Variants in CCDC13 observed in about 807,000 individuals in gnomAD.
CCDC13 encodes the protein coiled-coil domain-containing protein 13.
In CCDC13, 70 loss-of-function variants were observed where a neutral mutation model predicts 87.3. That is an observed-to-expected ratio of 0.80 (90% CI 0.66 to 0.98). The LOEUF is 0.98. CCDC13 is among the 50% of genes least tolerant of loss of function. CCDC13 has a pLI of 0.00. For synonymous variants in CCDC13, 317 were observed against 360.3 expected, an observed-to-expected ratio of 0.88 and a Z score of 1.36; for missense variants, 842 against 892.0, an observed-to-expected ratio of 0.94 and a Z score of 0.71.
Position 42,708,488 on chromosome 3 carries a change from AAGTC to A in CCDC13, c.*488_*491del, listed in dbSNP as rs1698226979. 1 of 152,808 alleles carries A rather than the reference AAGTC, an allele frequency of 6.5e-6. No homozygotes were observed. The highest frequency in any genetic ancestry group is 1.5e-5 in the Non-Finnish European group (1 of 68,618). The allele number at this position is 152,808 out of a possible 1,614,324, so 9.5% of individuals were successfully genotyped here. On this transcript the variant is annotated 3_prime_UTR_variant, in exon 16 of 16. Transcript: ENST00000310232. ...AAACTGGTTGAGAGCATAGTGCCCC[AAGTC>A]TGTGTAGGGTGTGGACGGCTACAGA... is the stretch of plus-strand genomic sequence containing the variant.
chr3:42,720,769 G>C (rs1203871213), intron 13 of CCDC13, among the ~76,000 whole-genome samples: 2 of 152,160 alleles, frequency 1.3e-5, no homozygotes, highest in Admixed American at 6.5e-5. Flanking sequence ...ACTGACTAAA[G>C]TTAAAGGGGT....
chr3:42,751,157 G>A (rs1490279030), intron 5 of CCDC13, among the ~76,000 whole-genome samples: 2 of 152,180 alleles, frequency 1.3e-5, no homozygotes, highest in Non-Finnish European at 2.9e-5. Context: ...AGGGAAGATG[G>A]GGCTAGAAAA....
intron 1 of CCDC13, among the ~76,000 whole-genome samples, chr3:42,760,729 T>C (rs1036651875): frequency 2.6e-5 from 4 of 152,012 alleles, no homozygotes; most frequent in African/African-American, 9.7e-5. Flanking sequence ...CATTCCAACC[T>C]GGGTGACAGA....
chr3:42,736,016 C>A, intron 9 of CCDC13, 103 bp from the exon 10 acceptor site: 1 of 1,089,176 alleles, frequency 9.2e-7, no homozygotes, highest in Non-Finnish European at 1.3e-6. Context: ...GCTGCAGGAA[C>A]CTAACAGTGG....
rs897189323 is a variant in CCDC13, at chr3:42,743,015, A to T, written c.868T>A (p.Ser290Thr). 3.7e-6 allele frequency: 6 copies of T among 1,614,104 alleles called. No individual in the cohort carries two copies. Among genetic ancestry groups the T allele is most frequent in the Non-Finnish European group, 5.1e-6 (6 of 1,180,010 alleles). Residue 290 changes from serine (S) to threonine (T), a missense_variant, in exon 8 of 16, where the codon TCT (serine) becomes ACT (threonine). Transcript: ENST00000310232. The part of the protein sequence containing the change: ...EKQLGQARSQ[S>T]AGTASDELSV... ...AACTCATCACTGGCTGTTCCCGCAG[A>T]CTGGCTCCGGGCCTGGCCCAATTGC...
chr3:42,766,118 G>C (rs192281571), intron 1 of CCDC13, among the ~76,000 whole-genome samples: 1 of 152,272 alleles, frequency 6.6e-6, no homozygotes, highest in East Asian at 1.9e-4. Context: ...AGAAGGAGAG[G>C]GGAGAAACCT....
intron 12 of CCDC13, 162 bp downstream of exon 12, chr3:42,732,725 T>C: frequency 1.6e-6 from 1 of 632,566 alleles, no homozygotes; most frequent in Non-Finnish European, 2.8e-6. Context: ...TCTATCATCT[T>C]GGACAGGACT....
chr3:42,745,977 A>G lies in CCDC13; in HGVS notation c.771T>C (p.Ser257=), dbSNP rs2240859. 764,404 of 1,613,368 alleles carry G rather than the reference A, an allele frequency of 0.47. 182,500 individuals carry two copies. The highest frequency in any genetic ancestry group is 0.59 in the South Asian group (53,714 of 91,070). ...GEDINVQQLL[S]SPGTWRGRAQ... The stretch of plus-strand genomic sequence containing the variant: ...CCCGACCCCTCCAGGTCCCTGGCGA[A>G]GATAGGAGCTGCTGAACGTTGATGT... The change falls in exon 7 of 16, where the codon TCT becomes TCC. Residue 257 remains serine, a synonymous_variant. Transcript: ENST00000310232.
At chr3:42,722,676 G>A (rs1698592027) in intron 13 of CCDC13, among the ~76,000 whole-genome samples, 1 of 151,998 alleles carries the variant, frequency 6.6e-6, no homozygotes. Flanking sequence ...GAAAGGGGAG[G>A]CATGAATAAT....
chr3:42,718,298 G>A (rs6779396), intron 13 of CCDC13, among the ~76,000 whole-genome samples: 30,619 of 151,990 alleles, frequency 0.2, 3,206 homozygotes, highest in East Asian at 0.29. Context: ...TCCCACCAGC[G>A]CCATGACAGT....
intron 13 of CCDC13, among the ~76,000 whole-genome samples, chr3:42,721,827 G>A (rs1228384162): frequency 1.3e-5 from 2 of 152,130 alleles, no homozygotes; most frequent in Non-Finnish European, 2.9e-5. Context: ...AAAACCCCTT[G>A]GGCAACTGAC....
At chr3:42,721,813 A>G (rs1050705092) in intron 13 of CCDC13, among the ~76,000 whole-genome samples, 5 of 152,256 alleles carry the variant, frequency 3.3e-5, no homozygotes, top group African/African-American at 4.8e-5. Context: ...TTGTAGAGCC[A>G]ATAAAAACCC....
chr3:42,742,847 T>C, intron 8 of CCDC13, 49 bp downstream of exon 8: 5 of 1,605,568 alleles, frequency 3.1e-6, no homozygotes, highest in Non-Finnish European at 3.4e-6. Flanking sequence ...GGCACCATCA[T>C]GATCTCTCGT....
intron 1 of CCDC13, among the ~76,000 whole-genome samples, chr3:42,762,836 C>T (rs1403991678): frequency 6.6e-6 from 1 of 152,188 alleles, no homozygotes; most frequent in Non-Finnish European, 1.5e-5. Context: ...GTAATCCCAG[C>T]ACTTTGGAAG....
At chr3:42,704,125 A>T (rs1698109410), downstream of CCDC13, 1 of 152,194 alleles carries the variant, frequency 6.6e-6, no homozygotes, top group African/African-American at 2.4e-5. Flanking sequence ...ATGTACATGG[A>T]TTAACTTTTT....
At chr3:42,733,392 CA>C (rs1340534963) in intron 11 of CCDC13, 77 bp downstream of exon 11, 1 of 1,563,260 alleles carries the variant, frequency 6.4e-7, no homozygotes, top group East Asian at 2.2e-5. Flanking sequence ...GGCTTCCCAT[CA>C]GAGGTAGCAA....
intron 8 of CCDC13, among the ~76,000 whole-genome samples, chr3:42,742,412 G>A (rs566795460): frequency 6.6e-6 from 1 of 152,248 alleles, no homozygotes; most frequent in African/African-American, 2.4e-5. Context: ...GGCCACCTCT[G>A]GATTGTTCGT....
chr3:42,712,313 G>A (rs1698329838), intron 14 of CCDC13, among the ~76,000 whole-genome samples: 1 of 151,920 alleles, frequency 6.6e-6, no homozygotes, highest in South Asian at 2.1e-4. Context: ...ACAGAGGCAG[G>A]CCCAGCCCCT....
chr3:42,752,579 C>T lies in CCDC13; in HGVS notation c.509G>A (p.Arg170Gln), dbSNP rs201307971. ...AGAATGACCAAGGCCCCTCACTTCC[C>T]GCTCCAGCTCCTGGATGCGATTGGT... Reference protein sequence around the residue: ...QLTNRIQELERELQTALTRLS... With the variant: ...QLTNRIQELEQELQTALTRLS... The change falls in exon 4 of 16, where the codon CGG becomes CAG. Residue 170 changes from arginine (R) to glutamine (Q), a missense_variant. By Grantham distance (43) the Arg-to-Gln change is conservative. Transcript: ENST00000310232. 48 of 1,614,078 alleles carry T rather than the reference C, an allele frequency of 3.0e-5. No individual in the cohort carries two copies. In the Admixed American group the frequency reaches 5.8e-4, roughly 20 times the overall value.
Sources: allele counts gnomAD v4.1 joint callset (sites outside exome capture counted in the v4.1 genomes callset), GRCh38; gene constraint gnomAD v4.1.1; transcripts MANE v1.5; gene names NCBI Gene and HGNC (gene_info 2026-07-23, HGNC 2026-07-21).